PSMB6: variants seen among roughly 807,000 people sequenced by gnomAD.
PSMB6 encodes proteasome subunit beta type-6.
PSMB6 carries 11 observed loss-of-function variants against 28.2 expected under a neutral mutation model. The observed-to-expected ratio is 0.39, with a 90% CI of 0.25 to 0.65. The LOEUF (loss-of-function observed/expected upper bound fraction) is 0.65, where lower values mean the gene tolerates loss of function less well. Among genes scored for constraint, PSMB6 ranks in the 30% least tolerant of loss-of-function variants. The pLI, the probability that PSMB6 is intolerant of heterozygous loss-of-function variation, is 0.48. For missense variants in PSMB6, 268 were observed against 319.4 expected, an observed-to-expected ratio of 0.84 and a Z score of 1.23; for synonymous variants, 126 against 117.7, an observed-to-expected ratio of 1.07 and a Z score of -0.45.
intron 3 of PSMB6, 45 bp from the exon 4 acceptor site, chr17:4,797,637 C>G: frequency 6.2e-7 from 1 of 1,608,668 alleles, no homozygotes; most frequent in South Asian, 1.1e-5. Flanking sequence ...AATAGCCTGA[C>G]TTCTAGGTCT....
chr17:4,798,276 A>T lies in PSMB6; in HGVS notation c.578-4A>T, dbSNP rs1567517669. 2.5e-6 allele frequency: 4 copies of T among 1,613,720 alleles called. No individual in the cohort carries two copies. Among genetic ancestry groups the T allele is most frequent in the Non-Finnish European group, 3.4e-6 (4 of 1,179,882 alleles). ...TGAACCCAGCTTTCTTCTTTTATCC[A>T]CAGCTCTCGCTTTGGCCATGGAGCG... On this transcript the variant is annotated splice_polypyrimidine_tract_variant and splice_region_variant and intron_variant, in intron 5 of 5. Transcript: ENST00000270586.
chr17:4,797,590 G>T (rs368643627), intron 3 of PSMB6, 21 bp downstream of exon 3: 3 of 1,593,288 alleles, frequency 1.9e-6, no homozygotes, highest in Non-Finnish European at 2.6e-6. Flanking sequence ...GCAGGGGAGG[G>T]GCAAGTATCT....
Position 4,797,175 on chromosome 17 carries a change from C to T in PSMB6, c.171-263C>T, listed in dbSNP as rs542990209. On this transcript the variant is annotated intron_variant, in intron 2 of 5. Transcript: ENST00000270586. ...CTAAAAAATACAAAAATTAGCCGTG[C>T]GTGGCGGTGCGTGCCTGCAGTCCCA... 19 of 471,770 alleles carry T rather than the reference C, an allele frequency of 4.0e-5. 1 individual carries two copies. Among genetic ancestry groups the T allele is most frequent in the East Asian group, 2.3e-4 (6 of 26,294 alleles). 29.2% of individuals were successfully genotyped at this position (471,770 alleles called of 1,614,324 possible). A position where few individuals can be genotyped will look rare whatever the true frequency, so the allele number is the denominator to read the frequency against.
chr17:4,797,323 A>T, intron 2 of PSMB6, 115 bp from the exon 3 acceptor site: 2 of 1,320,308 alleles, frequency 1.5e-6, no homozygotes, highest in Non-Finnish European at 2.0e-6. Flanking sequence ...TCAAAGAAAA[A>T]GGAAAAAAAG....
At chr17:4,797,024 A>T (rs1018975199) in intron 2 of PSMB6, 1 of 547,918 alleles carries the variant, frequency 1.8e-6, no homozygotes, top group Non-Finnish European at 3.2e-6. Context: ...AGAATAAGCA[A>T]TACTGGAGGC....
Position 4,797,455 on chromosome 17 carries a change from G to T in PSMB6, c.188G>T (p.Arg63Leu). 2 of 1,575,926 alleles carry T rather than the reference G, an allele frequency of 1.3e-6. No individual in the cohort carries two copies. Among genetic ancestry groups the T allele is most frequent in the Non-Finnish European group, 1.7e-6 (2 of 1,157,698 alleles). Residue 63 changes from arginine to leucine, a missense_variant, in exon 3 of 6, where the codon CGA becomes CTA. Physicochemically the swap from Arg to Leu is moderately radical, Grantham distance 102. Coordinates refer to ENST00000270586, the MANE Select transcript of PSMB6 (RefSeq NM_002798.3). Reference sequence around the variant, plus strand: ...TCCTGCAGGTCCTACATCGCCAATCGAGTGACTGACAAGCTGACACCTATT... The same window carrying T: ...TCCTGCAGGTCCTACATCGCCAATCTAGTGACTGACAAGCTGACACCTATT... ...RTTTGSYIAN[R>L]VTDKLTPIHD...
At chr17:4,796,423 G>T in intron 1 of PSMB6, 127 bp downstream of exon 1, 1 of 818,954 alleles carries the variant, frequency 1.2e-6, no homozygotes, top group Non-Finnish European at 1.9e-6. Flanking sequence ...CTCCAGGAAT[G>T]GGGAGAGGTA....
chr17:4,798,054 G>A lies in PSMB6; in HGVS notation c.478G>A (p.Ala160Thr). 1 of 1,614,146 alleles carries A rather than the reference G, an allele frequency of 6.2e-7. No homozygotes were observed. Among genetic ancestry groups the A allele is most frequent in the Non-Finnish European group, 8.5e-7 (1 of 1,180,020 alleles). Residue 160 changes from alanine (A) to threonine (T), a missense_variant, in exon 5 of 6, where the codon GCC becomes ACC. Transcript: ENST00000270586. ...GGGTATGATGGTAAGGCAGTCCTTT[G>A]CCATTGGAGGCTCCGGGAGCTCCTA... is the stretch of plus-strand genomic sequence containing the variant. ...MGGMMVRQSF[A>T]IGGSGSSYIY...
Position 4,797,296 on chromosome 17 carries a change from C to G in PSMB6, c.171-142C>G, listed in dbSNP as rs960235143. 3 of 1,059,958 alleles carry G rather than the reference C, an allele frequency of 2.8e-6. No homozygotes were observed. In the African/African-American group the frequency reaches 4.8e-5, roughly 17 times the overall value. The allele number at this position is 1,059,958 out of a possible 1,614,324, so 65.7% of individuals were successfully genotyped here. A position where few individuals can be genotyped will look rare whatever the true frequency, so the allele number is the denominator to read the frequency against. On this transcript the variant is annotated intron_variant, in intron 2 of 5. Transcript: ENST00000270586. ...CGTCACTGTACTCCAGCCTGGGCAA[C>G]AGAGCGAGACTCCATCTCAAAGAAA...
intron 1 of PSMB6, 69 bp downstream of exon 1, chr17:4,796,365 G>C (rs1031221323): frequency 1.2e-4 from 145 of 1,259,402 alleles, no homozygotes; most frequent in Non-Finnish European, 1.6e-4. Context: ...AAGCCTGAGT[G>C]GGGTTGAGAG....
intron 1 of PSMB6, 87 bp from the exon 2 acceptor site, chr17:4,796,641 T>G: frequency 1.6e-6 from 2 of 1,264,216 alleles, no homozygotes; most frequent in Non-Finnish European, 2.3e-6. Flanking sequence ...GACGGACAGA[T>G]TTTGTATTTT....
chr17:4,798,114 G>C lies in PSMB6; in HGVS notation c.538G>C (p.Gly180Arg). ...CTATGTTGATGCTACCTACCGGGAA[G>C]GCATGACCAAGGAAGAGTGTCTGCA... The part of the protein sequence containing the change: ...YGYVDATYRE[G>R]MTKEECLQFT... Residue 180 changes from glycine (G) to arginine (R), a missense_variant, in exon 5 of 6, where the codon GGC (glycine) becomes CGC (arginine). Coordinates refer to ENST00000270586, the MANE Select transcript of PSMB6 (RefSeq NM_002798.3). 6.2e-7 allele frequency: 1 copy of C among 1,614,202 alleles called. No homozygotes were observed. The highest frequency in any genetic ancestry group is 8.5e-7 in the Non-Finnish European group (1 of 1,180,044).
At chr17:4,796,593 G>C in intron 1 of PSMB6, 135 bp from the exon 2 acceptor site, 1 of 881,334 alleles carries the variant, frequency 1.1e-6, no homozygotes, top group South Asian at 1.3e-5. Flanking sequence ...TATTCTGCGG[G>C]GTGCTGAGGC....
intron 3 of PSMB6, 34 bp downstream of exon 3, chr17:4,797,603 A>G: frequency 1.3e-6 from 2 of 1,596,434 alleles, no homozygotes; most frequent in Non-Finnish European, 1.7e-6. Flanking sequence ...AAGTATCTGA[A>G]GGGAGTTGGA....
intron 1 of PSMB6, 118 bp downstream of exon 1, chr17:4,796,414 T>C: frequency 1.1e-6 from 1 of 875,280 alleles, no homozygotes; most frequent in Non-Finnish European, 1.8e-6. Flanking sequence ...TGTGTTGTGC[T>C]CCAGGAATGG....
chr17:4,796,814 T>C lies in PSMB6; in HGVS notation c.170+19T>C. 6.4e-7 allele frequency: 1 copy of C among 1,567,542 alleles called. No individual in the cohort carries two copies. The highest frequency in any genetic ancestry group is 8.8e-7 in the Non-Finnish European group (1 of 1,138,150). The stretch of plus-strand genomic sequence containing the variant: ...CCACTGGGTGAGCTCAGGACAGATT[T>C]GTGAAAGGTCTTCCCATCTTCCTTT... On this transcript the variant is annotated intron_variant, in intron 2 of 5. Coordinates refer to ENST00000270586, the MANE Select transcript of PSMB6 (RefSeq NM_002798.3).
At chr17:4,796,642 T>G (rs1220464741) in intron 1 of PSMB6, 86 bp from the exon 2 acceptor site, 1 of 1,277,344 alleles carries the variant, frequency 7.8e-7, no homozygotes, top group East Asian at 2.3e-5. Context: ...ACGGACAGAT[T>G]TTGTATTTTT....
intron 2 of PSMB6, 75 bp downstream of exon 2, chr17:4,796,870 G>GC: frequency 7.9e-7 from 1 of 1,266,862 alleles, no homozygotes; most frequent in Non-Finnish European, 1.1e-6. Context: ...CACCCTGCCT[G>GC]CCTCCACAGA....
intron 2 of PSMB6, chr17:4,797,108 G>A: frequency 4.7e-6 from 2 of 423,604 alleles, no homozygotes; most frequent in Non-Finnish European, 8.5e-6. Flanking sequence ...GAGGTCAGGA[G>A]TTCGAGACCA....
Sources: allele counts gnomAD v4.1 joint callset, GRCh38; gene constraint gnomAD v4.1.1; transcripts MANE v1.5; gene names NCBI Gene and HGNC (gene_info 2026-07-23, HGNC 2026-07-21).